RABGAP1L: variants seen among roughly 807,000 people sequenced by gnomAD.
RABGAP1L encodes the protein rab GTPase-activating protein 1-like.
A neutral mutation model predicts 137.7 loss-of-function variants in RABGAP1L; 63 were observed. The observed-to-expected ratio is 0.46, with a 90% CI of 0.37 to 0.56. The LOEUF (loss-of-function observed/expected upper bound fraction) is 0.56, where lower values mean the gene tolerates loss of function less well. Ranked by LOEUF, RABGAP1L falls within the 20% of genes least tolerant of loss-of-function variation. The pLI, the probability that RABGAP1L is intolerant of heterozygous loss-of-function variation, is 0.00. For synonymous variants in RABGAP1L, 431 were observed against 433.7 expected, an observed-to-expected ratio of 0.99 and a Z score of 0.08; for missense variants, 1,095 against 1,244.0, an observed-to-expected ratio of 0.88 and a Z score of 1.80.
In RABGAP1L at chr1:174,994,192, A is replaced by C. The variant is rs979397861; in HGVS notation, c.*4191A>C. ...AGCCCTTTACCTTAGCAAATTCTTT[A>C]TCTTTCAAAAGTGACCAAAATGAGG... On this transcript the variant is annotated 3_prime_UTR_variant, in exon 26 of 26. Coordinates refer to ENST00000681986, the MANE Select transcript of RABGAP1L (RefSeq NM_001366446.1). The C allele has an allele frequency of 6.6e-6, 1 of 152,258 alleles. No individual in the cohort carries two copies. The highest frequency in any genetic ancestry group is 2.1e-4 in the South Asian group (1 of 4,836). The allele number at this position is 152,258 out of a possible 1,614,324, so 9.4% of individuals were successfully genotyped here. A position where few individuals can be genotyped will look rare whatever the true frequency, so the allele number is the denominator to read the frequency against.
intron 13 of RABGAP1L, among the ~76,000 whole-genome samples, chr1:174,449,977 C>G (rs1393707722): frequency 2.6e-5 from 4 of 152,062 alleles, no homozygotes; most frequent in African/African-American, 7.3e-5. Flanking sequence ...CTGTATAGAG[C>G]ATCCATGATG....
chr1:174,812,532 A>G (rs1434296327), intron 19 of RABGAP1L, among the ~76,000 whole-genome samples: 1 of 152,204 alleles, frequency 6.6e-6, no homozygotes, highest in African/African-American at 2.4e-5. Flanking sequence ...TTTGGAACCA[A>G]TTTACTGATG....
chr1:174,973,979 GTTTTTTTTTTT>G (rs58500594), intron 21 of RABGAP1L, among the ~76,000 whole-genome samples: 20 of 85,788 alleles, frequency 2.3e-4, no homozygotes, highest in Non-Finnish European at 4.3e-4. Context: ...ATTGTTTTTT[GTTTTTTTTTTT>G]TTTTTTTTTT....
intron 13 of RABGAP1L, among the ~76,000 whole-genome samples, chr1:174,409,496 A>G (rs1487022657): frequency 2.0e-5 from 3 of 152,202 alleles, no homozygotes; most frequent in Non-Finnish European, 4.4e-5. Flanking sequence ...CACCTTGAAA[A>G]AGAACAGAAT....
At chr1:174,207,679 G>C (rs955470664) in intron 1 of RABGAP1L, among the ~76,000 whole-genome samples, 1 of 151,792 alleles carries the variant, frequency 6.6e-6, no homozygotes, top group Admixed American at 6.6e-5. Flanking sequence ...ATACTGTCCT[G>C]GGGATGTGTT....
intron 20 of RABGAP1L, among the ~76,000 whole-genome samples, chr1:174,960,556 GCACAA>G (rs1277121793): frequency 6.6e-6 from 1 of 151,976 alleles, no homozygotes; most frequent in African/African-American, 2.4e-5. Context: ...AGTGATGATT[GCACAA>G]CTTTGTGAAT....
chr1:174,671,116 C>CT (rs1417471085), intron 14 of RABGAP1L, among the ~76,000 whole-genome samples: 1 of 152,016 alleles, frequency 6.6e-6, no homozygotes, highest in East Asian at 1.9e-4. Context: ...TTTCATGATT[C>CT]TTTTTTCAAA....
chr1:174,839,057 T>TGTG (rs1693106722), intron 19 of RABGAP1L, among the ~76,000 whole-genome samples: 2 of 56,602 alleles, frequency 3.5e-5, no homozygotes, highest in Admixed American at 2.1e-4. Flanking sequence ...GTGTGTGTGT[T>TGTG]GGTAGGGGTG....
intron 13 of RABGAP1L, among the ~76,000 whole-genome samples, chr1:174,551,885 TAACAAGAA>T (rs969365198): frequency 1.1e-4 from 17 of 152,184 alleles, no homozygotes; most frequent in Admixed American, 9.8e-4. Flanking sequence ...ATTAAAAAGT[TAACAAGAA>T]AACACTATAA....
intron 1 of RABGAP1L, among the ~76,000 whole-genome samples, chr1:174,212,073 A>G (rs1470588804): frequency 6.6e-6 from 1 of 152,154 alleles, no homozygotes; most frequent in African/African-American, 2.4e-5. Context: ...CAGATCTTCC[A>G]GTCAAAAAAT....
At chr1:174,315,524 T>C (rs1372518813) in intron 11 of RABGAP1L, among the ~76,000 whole-genome samples, 1 of 152,116 alleles carries the variant, frequency 6.6e-6, no homozygotes, top group African/African-American at 2.4e-5. Flanking sequence ...AGGATGTACT[T>C]CTGCCATTTT....
At chr1:174,425,462 T>A (rs912397455) in intron 13 of RABGAP1L, among the ~76,000 whole-genome samples, 2 of 152,054 alleles carry the variant, frequency 1.3e-5, no homozygotes, top group African/African-American at 4.8e-5. Flanking sequence ...CTCTGTTATT[T>A]CCAGTAGTGT....
chr1:174,849,843 A>G (rs988659570), intron 19 of RABGAP1L: 54 of 557,000 alleles, frequency 9.7e-5, no homozygotes, highest in Non-Finnish European at 1.5e-4. Flanking sequence ...GCCTTTGGGA[A>G]TGATCTTAAT....
chr1:174,893,060 C>T, intron 19 of RABGAP1L: 1 of 316,912 alleles, frequency 3.2e-6, no homozygotes. Context: ...TACCTCATTT[C>T]TGATTTGTCC....
rs948785025 is a variant in RABGAP1L, at chr1:174,562,465, G to A, written c.1711-74910G>A. On this transcript the variant is annotated intron_variant, in intron 13 of 25. Coordinates refer to ENST00000681986, the MANE Select transcript of RABGAP1L (RefSeq NM_001366446.1). ...AGTGTGGTGATTCCTCAAGGATCTA[G>A]AACTAGAAATACCATTTGATCCAGC... Among the ~76,000 whole-genome samples the A allele has an allele frequency of 2.0e-5, 3 of 152,124 alleles. No individual in the cohort carries two copies. The South Asian group carries it at 6.2e-4, about 32-fold the overall frequency.
intron 13 of RABGAP1L, among the ~76,000 whole-genome samples, chr1:174,553,687 G>A (rs1666699639): frequency 6.6e-6 from 1 of 152,156 alleles, no homozygotes; most frequent in Non-Finnish European, 1.5e-5. Flanking sequence ...GAATCATAAT[G>A]CAGAAATCCT....
intron 12 of RABGAP1L, among the ~76,000 whole-genome samples, chr1:174,389,363 C>T (rs1007999948): frequency 1.3e-5 from 2 of 151,694 alleles, no homozygotes; most frequent in African/African-American, 4.8e-5. Flanking sequence ...CTACTTCCAC[C>T]TCCTATCAAA....
At chr1:174,547,165 C>A (rs1222362263) in intron 13 of RABGAP1L, among the ~76,000 whole-genome samples, 2 of 150,704 alleles carry the variant, frequency 1.3e-5, no homozygotes, top group Admixed American at 1.3e-4. Flanking sequence ...GTATTCAAAT[C>A]TTCATTCTTG....
intron 18 of RABGAP1L, among the ~76,000 whole-genome samples, chr1:174,803,054 A>G (rs538276698): frequency 1.3e-5 from 2 of 152,260 alleles, no homozygotes; most frequent in South Asian, 2.1e-4. Context: ...TTAAGATCCC[A>G]TTATTTTTTT....
Sources: gnomAD v4.1 joint callset for allele counts (sites outside exome capture counted in the v4.1 genomes callset) on GRCh38, gnomAD v4.1.1 for gene constraint, MANE v1.5 for transcripts, NCBI Gene and HGNC (gene_info 2026-07-23, HGNC 2026-07-21) for gene names.